The following AGBL5 variants were observed in gnomAD, a reference collection of about 807,000 sequenced individuals.
The protein encoded by AGBL5 is AGBL carboxypeptidase 5.
AGBL5 carries 51 observed loss-of-function variants against 88.0 expected under a neutral mutation model. The observed-to-expected ratio is 0.58, with a 90% CI of 0.46 to 0.73. The LOEUF (loss-of-function observed/expected upper bound fraction) is 0.73, where lower values mean the gene tolerates loss of function less well. AGBL5 is among the 30% of genes least tolerant of loss of function. The probability of loss-of-function intolerance (pLI) is 0.00; values close to 1 mark genes in which losing one functional copy is unlikely to be tolerated. For synonymous variants in AGBL5, 446 were observed against 438.8 expected (o/e 1.02, Z -0.21); for missense variants, 1,031 against 1,162.2 (o/e 0.89, Z 1.64).
chr2:27,054,845 T>C, intron 5 of AGBL5, 38 bp downstream of exon 5: 1 of 1,594,594 alleles, frequency 6.3e-7, no homozygotes, highest in Non-Finnish European at 8.5e-7. Context: ...CTTTGGCTTT[T>C]CTCTAGCACC....
At chr2:27,060,626 G>A (rs1263382194) in intron 11 of AGBL5, among the ~76,000 whole-genome samples, 1 of 152,166 alleles carries the variant, frequency 6.6e-6, no homozygotes, top group East Asian at 1.9e-4. Flanking sequence ...GACATGTGCT[G>A]TGTCAGTGGC....
rs1162714042 is a variant in AGBL5 at position 27,058,594 on chromosome 2, A to G, written c.1866A>G (p.Lys622=). 3.1e-6 allele frequency: 5 copies of G among 1,613,906 alleles called. No individual in the cohort carries two copies. The highest frequency in any genetic ancestry group is 3.3e-5 in the Admixed American group (2 of 60,002). Residue 622 remains lysine, a synonymous_variant, in exon 10 of 15, where the codon AAA becomes AAG. Transcript: ENST00000360131. ...AGAGGGGCCTTCGAACTCCACCCAA[A>G]AGTCACAAGTAAGGCCAGCAAAATA... The part of the protein sequence containing the change: ...NKKRGLRTPP[K]SHNGLPVSCS...
intron 12 of AGBL5, among the ~76,000 whole-genome samples, 178 bp from the exon 13 acceptor site, chr2:27,068,454 A>C (rs1218599178): frequency 6.6e-6 from 1 of 152,086 alleles, no homozygotes; most frequent in Admixed American, 6.6e-5. Flanking sequence ...AAACAGCATA[A>C]ATTGTTTAGA....
upstream of AGBL5, among the ~76,000 whole-genome samples, chr2:27,050,822 A>G (rs773414548): frequency 6.6e-5 from 10 of 152,178 alleles, no homozygotes; most frequent in East Asian, 1.9e-4. Context: ...ACTGTAGTGG[A>G]TAGGGCGTGG....
intron 11 of AGBL5, among the ~76,000 whole-genome samples, chr2:27,065,739 A>C (rs1351456534): frequency 6.6e-6 from 1 of 152,232 alleles, no homozygotes; most frequent in Non-Finnish European, 1.5e-5. Context: ...GTAATGGTCA[A>C]GTAAGCTTCA....
chr2:27,062,717 TGTTCA>T (rs1180610304), intron 11 of AGBL5: 1 of 152,234 alleles, frequency 6.6e-6, no homozygotes, highest in African/African-American at 2.4e-5. Flanking sequence ...AGCCAAAGAA[TGTTCA>T]GTTAAGAAAT....
intron 5 of AGBL5, 101 bp from the exon 6 acceptor site, chr2:27,054,974 A>G (rs1668357296): frequency 6.7e-7 from 1 of 1,493,058 alleles, no homozygotes; most frequent in East Asian, 2.3e-5. Context: ...CCAGCTGGAA[A>G]TCCAGCGGCT....
chr2:27,059,192 G>C lies in AGBL5; in HGVS notation c.1877G>C (p.Gly626Ala). 1 of 1,612,748 alleles carries C rather than the reference G, an allele frequency of 6.2e-7. No homozygotes were observed. Among genetic ancestry groups the C allele is most frequent in the Non-Finnish European group, 8.5e-7 (1 of 1,179,256 alleles). Reference sequence around the variant, plus strand: ...AACTGGCATCTGCTTCTTTGCAGTGGGTTGCCTGTCTCCTGCTCCGAAAAC... The same window carrying C: ...AACTGGCATCTGCTTCTTTGCAGTGCGTTGCCTGTCTCCTGCTCCGAAAAC... Reference protein sequence around the residue: ...GLRTPPKSHNGLPVSCSENTL... With the variant: ...GLRTPPKSHNALPVSCSENTL... Residue 626 changes from glycine (G) to alanine (A), a missense_variant and splice_region_variant, in exon 11 of 15, where the codon GGG becomes GCG. Around this residue, in one of 2 missense-constraint regions of AGBL5, gnomAD observed 491 missense variants for 484.0 expected, o/e 1.01. Transcript: ENST00000360131.
In AGBL5 at chr2:27,059,418, G is replaced by C; in HGVS notation, c.2089+14G>C. The C allele has an allele frequency of 6.2e-7, 1 of 1,613,958 alleles. No individual in the cohort carries two copies. Among genetic ancestry groups the C allele is most frequent in the Non-Finnish European group, 8.5e-7 (1 of 1,179,854 alleles). ...GCCCCGTCAGAGGTAAGCCAGTCTG[G>C]GAGCCCCTGCAACATGTGTTCGGTT... On this transcript the variant is annotated intron_variant, in intron 11 of 14. Transcript: ENST00000360131.
At position 27,058,493 on chromosome 2, in the gene AGBL5, C is replaced by G; in HGVS notation, c.1765C>G (p.Leu589Val). 6.2e-7 allele frequency: 1 copy of G among 1,614,198 alleles called. No homozygotes were observed. The highest frequency in any genetic ancestry group is 2.2e-5 in the East Asian group (1 of 44,890). Residue 589 changes from leucine to valine, a missense_variant, in exon 10 of 15, where the codon CTA becomes GTA. Physicochemically the swap from Leu to Val is conservative, Grantham distance 32 (BLOSUM62 1). Around this residue, in one of 2 missense-constraint regions of AGBL5, gnomAD observed 491 missense variants for 484.0 expected, o/e 1.01. Transcript: ENST00000360131. ...GTCAGAGCACAGCAGCCTTACTAAT[C>G]TACGGGCCTGGATGCTGAAACATGT... ...VLSEHSSLTN[L>V]RAWMLKHVRN...
chr2:27,069,821 ATGTAC>A (rs2148309642), intron 14 of AGBL5, 115 bp downstream of exon 14: 3 of 1,481,630 alleles, frequency 2.0e-6, no homozygotes, highest in African/African-American at 2.8e-5. Context: ...CAAAGACTAA[ATGTAC>A]TTCCATTAAG....
In AGBL5 at chr2:27,058,467, T is replaced by G. The variant is rs751972761; in HGVS notation, c.1739T>G (p.Leu580Arg). ...AECNPWPRIVLSEHSSLTNLR... is the reference protein window; with the variant it reads ...AECNPWPRIVRSEHSSLTNLR... ...TGTAATCCGTGGCCCCGAATTGTAC[T>G]GTCAGAGCACAGCAGCCTTACTAAT... is the stretch of plus-strand genomic sequence containing the variant. Residue 580 changes from leucine to arginine, a missense_variant, in exon 10 of 15, where the codon CTG becomes CGG. This residue lies in a region of AGBL5 where 491 missense variants were observed against 484.0 expected (regional missense o/e 1.01). Transcript: ENST00000360131. 12 of 1,613,998 alleles carry G rather than the reference T, an allele frequency of 7.4e-6. No homozygotes were observed. The highest frequency in any genetic ancestry group is 1.0e-5 in the Non-Finnish European group (12 of 1,180,038).
At position 27,070,314 on chromosome 2, in the gene AGBL5, T is replaced by C; in HGVS notation, c.*51T>C. 1.3e-6 allele frequency: 2 copies of C among 1,579,460 alleles called. No individual in the cohort carries two copies. The highest frequency in any genetic ancestry group is 1.7e-6 in the Non-Finnish European group (2 of 1,149,870). On this transcript the variant is annotated 3_prime_UTR_variant, in exon 15 of 15. Transcript: ENST00000360131. ...ATATAGCCCCAAGATGGGGTAACAG[T>C]GGGAAATATGCTAGTTCCCCTCCAG... is the stretch of plus-strand genomic sequence containing the variant.
chr2:27,053,803 A>G lies in AGBL5; in HGVS notation c.388-93A>G. ...ACAGGGAGGGAAGTTGGTAAAGGTG[A>G]TAAGGGTGTGAGGTCAGTTCCTGGT... is the stretch of plus-strand genomic sequence containing the variant. On this transcript the variant is annotated intron_variant, in intron 3 of 14. Transcript: ENST00000360131. This position sits in a 1 kb window ranked among gnomAD's most constrained non-coding sequence, Gnocchi z 4.9. The G allele has an allele frequency of 2.0e-6, 3 of 1,500,216 alleles. No individual in the cohort carries two copies. The highest frequency in any genetic ancestry group is 2.7e-6 in the Non-Finnish European group (3 of 1,115,098). 92.9% of individuals were successfully genotyped at this position (1,500,216 alleles called of 1,614,324 possible). A position where few individuals can be genotyped will look rare whatever the true frequency, so the allele number is the denominator to read the frequency against.
rs138444084 is a variant in AGBL5 at position 27,068,846 on chromosome 2, A to G, written c.2355+102A>G. 599 of 1,538,658 alleles carry G rather than the reference A, an allele frequency of 3.9e-4. 2 individuals carry two copies. In the East Asian group the frequency reaches 6.9e-3, roughly 18 times the overall value. ...AAAATGCTCAGCACTGCTTTACTGCATCTACCCTTGGCCACATCAGAGAGC... is the reference window on the plus strand; with the variant it reads ...AAAATGCTCAGCACTGCTTTACTGCGTCTACCCTTGGCCACATCAGAGAGC... On this transcript the variant is annotated intron_variant, in intron 13 of 14. Transcript: ENST00000360131.
chr2:27,056,996 C>CAAA, intron 8 of AGBL5: 3 of 455,478 alleles, frequency 6.6e-6, no homozygotes, highest in Admixed American at 4.4e-5. Context: ...AACTCCGTCT[C>CAAA]AAAAAAAAAA....
Position 27,053,239 on chromosome 2 carries a change from T to TA in AGBL5, c.215+67dup. The TA allele has an allele frequency of 1.3e-6, 2 of 1,527,730 alleles. No homozygotes were observed. Among genetic ancestry groups the TA allele is most frequent in the Non-Finnish European group, 1.8e-6 (2 of 1,128,080 alleles). The allele number at this position is 1,527,730 out of a possible 1,614,324, so 94.6% of individuals were successfully genotyped here. On this transcript the variant is annotated intron_variant, in intron 2 of 14. Transcript: ENST00000360131. This position sits in a 1 kb window ranked among gnomAD's most constrained non-coding sequence, Gnocchi z 4.9. Reference sequence around the variant, plus strand: ...CCATGCTTCAGTTAGCCCTCTGACTTATCTGTTCATACCCAGCATACTCCC... The same window carrying TA: ...CCATGCTTCAGTTAGCCCTCTGACTTAATCTGTTCATACCCAGCATACTCCC...
chr2:27,055,252 C>G lies in AGBL5; in HGVS notation c.907C>G (p.Arg303Gly). 6.2e-7 allele frequency: 1 copy of G among 1,613,802 alleles called. No individual in the cohort carries two copies. The highest frequency in any genetic ancestry group is 8.5e-7 in the Non-Finnish European group (1 of 1,179,754). The change falls in exon 6 of 15, where the codon CGC (arginine) becomes GGC (glycine). Residue 303 changes from arginine (R) to glycine (G), a missense_variant and splice_region_variant. This residue lies in a region of AGBL5 where 540 missense variants were observed against 678.2 expected (regional missense o/e 0.80). Coordinates refer to ENST00000360131, the MANE Select transcript of AGBL5 (RefSeq NM_021831.6). The part of the protein sequence containing the change: ...NPDGVVRGHY[R>G]TDSRGVNLNR... Reference sequence around the variant, plus strand: ...CGATGGTGTGGTCCGGGGACACTACCGGTAAGTGGCTTCCCCAGCCTGTCT... The same window carrying G: ...CGATGGTGTGGTCCGGGGACACTACGGGTAAGTGGCTTCCCCAGCCTGTCT...
At chr2:27,069,806 G>T in intron 14 of AGBL5, 100 bp downstream of exon 14, 1 of 1,503,232 alleles carries the variant, frequency 6.7e-7, no homozygotes, top group South Asian at 1.3e-5. Context: ...TACTCCTTTT[G>T]AGCACAAAGA....
Sources: gnomAD v4.1 joint callset for allele counts (sites outside exome capture counted in the v4.1 genomes callset) on GRCh38, gnomAD v4.1.1 for gene constraint, gnomAD v4.1.1 regional missense constraint, Gnocchi (gnomAD v3.1) non-coding constraint, MANE v1.5 for transcripts, NCBI Gene and HGNC (gene_info 2026-07-23, HGNC 2026-07-21) for gene names.